The following CASKIN1 variants were observed in gnomAD, a reference collection of about 807,000 sequenced individuals.
CASKIN1 encodes the protein caskin-1.
A neutral mutation model predicts 117.5 loss-of-function variants in CASKIN1; 42 were observed. The observed-to-expected ratio is 0.36, with a 90% CI of 0.28 to 0.46. The LOEUF is 0.46. Ranked by LOEUF, CASKIN1 falls within the 20% of genes least tolerant of loss-of-function variation. The probability of loss-of-function intolerance (pLI) is 1.00; values close to 1 mark genes in which losing one functional copy is unlikely to be tolerated. For missense variants in CASKIN1, 2,083 were observed against 2,077.3 expected (o/e 1.00, Z -0.05); for synonymous variants, 1,148 against 961.7 (o/e 1.19, Z -3.59).
At chr16:2,195,230 G>A (rs566217222) in intron 1 of CASKIN1, among the ~76,000 whole-genome samples, 1 of 152,224 alleles carries the variant, frequency 6.6e-6, no homozygotes, top group African/African-American at 2.4e-5. Context: ...CCAGTCATGG[G>A]CTGCTGGTGA....
Position 2,185,161 on chromosome 16 carries a change from C to A in CASKIN1, c.1189G>T (p.Gly397Cys). The A allele has an allele frequency of 1.2e-6, 2 of 1,609,272 alleles. No homozygotes were observed. The highest frequency in any genetic ancestry group is 8.5e-7 in the Non-Finnish European group (1 of 1,179,534). The change falls in exon 12 of 20, where the codon GGC (glycine) becomes TGC (cysteine). Residue 397 changes from glycine (G) to cysteine (C), a missense_variant. By Grantham distance (159) the Gly-to-Cys change is radical (BLOSUM62 -3). Transcript: ENST00000343516. ...AGGGCGTGACCCCCGCTGCCCCGGC[C>A]GCCAGCCATGCCGCTAATGCTGCCG... ...RSGSISGMAG[G>C]RGSGGHALHA...
intron 16 of CASKIN1, among the ~76,000 whole-genome samples, chr16:2,183,089 A>G (rs535617081): frequency 1.3e-5 from 2 of 152,268 alleles, no homozygotes; most frequent in African/African-American, 4.8e-5. Context: ...GCCCGGCCGC[A>G]CCTCCGTGTT....
At chr16:2,185,460 G>A (rs779780218) in intron 10 of CASKIN1, 52 bp from the exon 11 acceptor site, 2 of 1,458,252 alleles carry the variant, frequency 1.4e-6, no homozygotes, top group Non-Finnish European at 1.9e-6. Context: ...GGCGGGTACT[G>A]ACGCAGGGGA....
At position 2,178,034 on chromosome 16, in the gene CASKIN1, T is replaced by G. The variant is rs1452378092; in HGVS notation, c.*516A>C. On this transcript the variant is annotated 3_prime_UTR_variant, in exon 20 of 20. Transcript: ENST00000343516. ...TTCTATAGAATCAATAATATTTCTT[T>G]CTTTAAATATATATTTGTTAAAGTT... 2.2e-6 allele frequency: 1 copy of G among 448,564 alleles called. No homozygotes were observed. Among genetic ancestry groups the G allele is most frequent in the Admixed American group, 3.2e-5 (1 of 31,058 alleles). The allele number at this position is 448,564 out of a possible 1,614,324, so 27.8% of individuals were successfully genotyped here.
chr16:2,188,421 G>A (rs988080713), intron 6 of CASKIN1, among the ~76,000 whole-genome samples: 12 of 151,330 alleles, frequency 7.9e-5, no homozygotes, highest in African/African-American at 1.9e-4. Flanking sequence ...CACAATCATC[G>A]CTCACTGCAA....
chr16:2,187,993 C>T (rs1373787556), intron 6 of CASKIN1, among the ~76,000 whole-genome samples: 1 of 151,906 alleles, frequency 6.6e-6, no homozygotes. Flanking sequence ...AAGCAGTCCT[C>T]CTGCCTCAGC....
rs775297344 is a variant in CASKIN1 at position 2,179,998 on chromosome 16, G to A, written c.3370C>T (p.Leu1124Phe). 2.5e-6 allele frequency: 4 copies of A among 1,603,508 alleles called. No homozygotes were observed. The highest frequency in any genetic ancestry group is 1.1e-5 in the South Asian group (1 of 89,680). ...TGCTTGGCCCGGATGCGCCTCTTGAGTGTGGCGCTGGCTTCCACCTTGGCC... is the reference window on the plus strand; with the variant it reads ...TGCTTGGCCCGGATGCGCCTCTTGAATGTGGCGCTGGCTTCCACCTTGGCC... Reference protein sequence around the residue: ...PLAKVEASATLKRRIRAKQNQ... With the variant: ...PLAKVEASATFKRRIRAKQNQ... Residue 1124 changes from leucine to phenylalanine, a missense_variant, in exon 18 of 20, where the codon CTC becomes TTC. Transcript: ENST00000343516. The surrounding 1 kb of genome is among the most constrained non-coding windows in gnomAD (Gnocchi z 5.8).
chr16:2,178,666 G>C lies in CASKIN1; in HGVS notation c.4200-20C>G. The C allele has an allele frequency of 6.4e-7, 1 of 1,572,346 alleles. No homozygotes were observed. The highest frequency in any genetic ancestry group is 8.6e-7 in the Non-Finnish European group (1 of 1,166,008). On this transcript the variant is annotated intron_variant, in intron 19 of 19. Coordinates refer to ENST00000343516, the MANE Select transcript of CASKIN1 (RefSeq NM_020764.4). ...GAGTCGCTGCGGGGCGCGGGGCAAG[G>C]GGCGTGAGTGGGCGGGGCGGGTCTG...
At position 2,179,591 on chromosome 16, in the gene CASKIN1, ACCTGGGCTG is replaced by A; in HGVS notation, c.3768_3775+1del. 6.9e-7 allele frequency: 1 copy of A among 1,440,618 alleles called. No individual in the cohort carries two copies. Among genetic ancestry groups the A allele is most frequent in the Non-Finnish European group, 9.1e-7 (1 of 1,103,398 alleles). The allele number at this position is 1,440,618 out of a possible 1,614,324, so 89.2% of individuals were successfully genotyped here. On this transcript the variant is annotated splice_donor_variant and coding_sequence_variant, in exon 18 of 20. Coordinates refer to ENST00000343516, the MANE Select transcript of CASKIN1 (RefSeq NM_020764.4). LOFTEE classifies it high-confidence loss of function. This position sits in a 1 kb window ranked among gnomAD's most constrained non-coding sequence, Gnocchi z 5.8. ...CCCTTCACCCCACCCTGGCTGGCCT[ACCTGGGCTG>A]CCAGGGCCTGGCAGCGGCACCTTCT...
At position 2,182,006 on chromosome 16, in the gene CASKIN1, A is replaced by C; in HGVS notation, c.1630-77T>G. Reference sequence around the variant, plus strand: ...CCCATCTACCTGGAGCTGGAGGAGGAAGGGTCACCGGGCCAGCAGGGCACA... The same window carrying C: ...CCCATCTACCTGGAGCTGGAGGAGGCAGGGTCACCGGGCCAGCAGGGCACA... On this transcript the variant is annotated intron_variant, in intron 16 of 19. Transcript: ENST00000343516. The surrounding 1 kb of genome is among the most constrained non-coding windows in gnomAD (Gnocchi z 4.1). 1 of 1,592,852 alleles carries C rather than the reference A, an allele frequency of 6.3e-7. No homozygotes were observed. The highest frequency in any genetic ancestry group is 1.7e-5 in the Admixed American group (1 of 59,500).
rs2093146390 is a variant in CASKIN1 at position 2,177,808 on chromosome 16, T to C, written c.*742A>G. The C allele has an allele frequency of 4.4e-6, 1 of 228,542 alleles. No individual in the cohort carries two copies. The highest frequency in any genetic ancestry group is 8.6e-6 in the Non-Finnish European group (1 of 116,740). The allele number at this position is 228,542 out of a possible 1,614,324, so 14.2% of individuals were successfully genotyped here. A position where few individuals can be genotyped will look rare whatever the true frequency, so the allele number is the denominator to read the frequency against. On this transcript the variant is annotated 3_prime_UTR_variant, in exon 20 of 20. Coordinates refer to ENST00000343516, the MANE Select transcript of CASKIN1 (RefSeq NM_020764.4). ...GCCGAGAGCAAGGCACAACCTCGAG[T>C]TCTTGGGGCGCAGAGAACTTAGGAG...
At chr16:2,191,166 T>C (rs998777181) in intron 1 of CASKIN1, among the ~76,000 whole-genome samples, 3 of 152,334 alleles carry the variant, frequency 2.0e-5, no homozygotes, top group African/African-American at 7.2e-5. Context: ...ATAACCCATT[T>C]GTGGGTCAGT....
chr16:2,186,860 C>T (rs2093186336), intron 9 of CASKIN1, 36 bp from the exon 10 acceptor site: 1 of 1,608,264 alleles, frequency 6.2e-7, no homozygotes, highest in African/African-American at 1.3e-5. Flanking sequence ...AGGGAGATGC[C>T]CCCTTTCGCA....
intron 1 of CASKIN1, among the ~76,000 whole-genome samples, chr16:2,195,207 G>A (rs985313730): frequency 1.3e-5 from 2 of 152,234 alleles, no homozygotes; most frequent in African/African-American, 2.4e-5. Flanking sequence ...TGCACAGAGT[G>A]GACAGGAGCT....
chr16:2,179,705 C>G lies in CASKIN1; in HGVS notation c.3663G>C (p.Pro1221=), dbSNP rs775502867. The G allele has an allele frequency of 1.1e-5, 17 of 1,516,970 alleles. No individual in the cohort carries two copies. The highest frequency in any genetic ancestry group is 1.5e-5 in the Non-Finnish European group (17 of 1,140,076). 94.0% of individuals were successfully genotyped at this position (1,516,970 alleles called of 1,614,324 possible). ...LPPPEGEARK[P]AKPPVSPKPV... ...GCTTGGGAGAGACAGGCGGCTTGGC[C>G]GGCTTCCGGGCTTCGCCCTCGGGCG... Residue 1221 remains proline, a synonymous_variant, in exon 18 of 20, where the codon CCG becomes CCC. Transcript: ENST00000343516. The surrounding 1 kb of genome is among the most constrained non-coding windows in gnomAD (Gnocchi z 5.8).
rs374957682 is a variant in CASKIN1, at chr16:2,179,751, G to T, written c.3617C>A (p.Ala1206Glu). ...PPAEPPPTDL[A>E]HLPPLPPPEG... ...GGGCGGGGGCAATGGGGGTAGGTGC[G>T]CCAGGTCGGTGGGCGGGGGTTCGGC... Residue 1206 changes from alanine to glutamate, a missense_variant, in exon 18 of 20, where the codon GCG becomes GAG. Coordinates refer to ENST00000343516, the MANE Select transcript of CASKIN1 (RefSeq NM_020764.4). This position sits in a 1 kb window ranked among gnomAD's most constrained non-coding sequence, Gnocchi z 5.8. 2 of 1,558,578 alleles carry T rather than the reference G, an allele frequency of 1.3e-6. No homozygotes were observed. The highest frequency in any genetic ancestry group is 1.7e-6 in the Non-Finnish European group (2 of 1,157,558).
At chr16:2,190,045 C>A (rs764053008) in intron 3 of CASKIN1, 28 bp downstream of exon 3, 1 of 1,599,284 alleles carries the variant, frequency 6.3e-7, no homozygotes, top group Non-Finnish European at 8.6e-7. Flanking sequence ...CGCCCCTGCC[C>A]CCACCAGAGG....
intron 1 of CASKIN1, among the ~76,000 whole-genome samples, chr16:2,192,686 C>G (rs566738045): frequency 1.6e-4 from 24 of 152,288 alleles, no homozygotes; most frequent in African/African-American, 5.8e-4. Context: ...CGAAGTGACC[C>G]TGCCCGCCCC....
rs761395958 is a variant in CASKIN1, at chr16:2,181,210, G to A, written c.2158C>T (p.Pro720Ser). The change falls in exon 18 of 20, where the codon CCC becomes TCC. Residue 720 changes from proline (P) to serine (S), a missense_variant. Physicochemically the swap from Pro to Ser is moderately conservative, Grantham distance 74 (BLOSUM62 -1). This residue lies in a region of CASKIN1 where 1,818 missense variants were observed against 1,688.9 expected (regional missense o/e 1.08). Coordinates refer to ENST00000343516, the MANE Select transcript of CASKIN1 (RefSeq NM_020764.4). ...AGGTACTCCTGGCTTCGAGACATGG[G>A]GCTGCTGGGCCCAGGGGGCCCATCT... ...LGDGPPGPSS[P>S]MSRSQEYLLD... 2.5e-6 allele frequency: 4 copies of A among 1,583,896 alleles called. No homozygotes were observed. Among genetic ancestry groups the A allele is most frequent in the Non-Finnish European group, 3.4e-6 (4 of 1,173,530 alleles).
Sources: allele counts gnomAD v4.1 joint callset (sites outside exome capture counted in the v4.1 genomes callset), GRCh38; gene constraint gnomAD v4.1.1; regional missense constraint gnomAD v4.1.1; non-coding constraint Gnocchi (gnomAD v3.1); transcripts MANE v1.5; gene names NCBI Gene and HGNC (gene_info 2026-07-23, HGNC 2026-07-21).